The following RNF145 variants were observed in gnomAD, a reference collection of about 807,000 sequenced individuals.
RNF145 encodes the protein ring finger protein 145.
Under a neutral mutation model 57.3 loss-of-function variants are expected in RNF145, and 12 were observed. The ratio of observed to expected loss-of-function variants is 0.21; its 90% CI spans 0.13 to 0.34. The LOEUF (loss-of-function observed/expected upper bound fraction) is 0.34, where lower values mean the gene tolerates loss of function less well. RNF145 is among the 10% of genes least tolerant of loss of function. RNF145 has a pLI of 1.00. For synonymous variants in RNF145, 262 were observed against 288.3 expected, an observed-to-expected ratio of 0.91 and a Z score of 0.92; for missense variants, 429 against 799.0, an observed-to-expected ratio of 0.54 and a Z score of 5.58.
At position 159,169,829 on chromosome 5, in the gene RNF145, A is replaced by C. The variant is rs889444053; in HGVS notation, c.798-10T>G. ...GCAGCATTCCGCAATACTGGAAAAAAAGAGGGGGAAATTAACAGACATAAA... is the reference window on the plus strand; with the variant it reads ...GCAGCATTCCGCAATACTGGAAAAACAGAGGGGGAAATTAACAGACATAAA... On this transcript the variant is annotated splice_polypyrimidine_tract_variant and intron_variant, in intron 6 of 10. Coordinates refer to ENST00000424310, the MANE Select transcript of RNF145 (RefSeq NM_001199383.2). The C allele has an allele frequency of 4.4e-6, 7 of 1,589,706 alleles. No individual in the cohort carries two copies. Among genetic ancestry groups the C allele is most frequent in the Non-Finnish European group, 6.0e-6 (7 of 1,171,868 alleles).
intron 3 of RNF145, among the ~76,000 whole-genome samples, chr5:159,186,770 C>A (rs1562064845): frequency 6.6e-6 from 1 of 151,982 alleles, no homozygotes; most frequent in Non-Finnish European, 1.5e-5. Context: ...TGATAATGTT[C>A]AAAAGCAGAA....
Position 159,164,600 on chromosome 5 carries a change from T to C in RNF145, c.1122-1521A>G, listed in dbSNP as rs535257171. Among the ~76,000 whole-genome samples, 9 of 152,178 alleles carry C rather than the reference T, an allele frequency of 5.9e-5. No homozygotes were observed. The South Asian group carries it at 1.9e-3, about 32-fold the overall frequency. ...ACATAGACACACATATATGTCCTTA[T>C]CTAAATAGTTAAAATTAAATAAAAG... is the stretch of plus-strand genomic sequence containing the variant. On this transcript the variant is annotated intron_variant, in intron 8 of 10. Transcript: ENST00000424310.
upstream of RNF145, chr5:159,209,616 CCTCCCGCGCGCGCCCGCGCTCA>C: frequency 1.8e-6 from 2 of 1,081,410 alleles, no homozygotes; most frequent in Non-Finnish European, 2.3e-6. Context: ...GCGGCGCGCC[CCTCCCGCGCGCGCCCGCGCTCA>C]CTCACAATCG....
chr5:159,189,863 A>G (rs532306566), intron 3 of RNF145, among the ~76,000 whole-genome samples: 5 of 152,352 alleles, frequency 3.3e-5, no homozygotes, highest in Non-Finnish European at 7.3e-5. Context: ...AGGTCAATAA[A>G]AAAAGACAGG....
At chr5:159,169,077 A>C (rs1384992797) in intron 7 of RNF145, 22 bp from the exon 8 acceptor site, 128 of 1,498,050 alleles carry the variant, frequency 8.5e-5, no homozygotes, top group Non-Finnish European at 1.1e-4. Context: ...ATACATTTTC[A>C]GAAAACATAA....
chr5:159,190,282 C>T (rs1785243037), intron 3 of RNF145, among the ~76,000 whole-genome samples: 1 of 152,128 alleles, frequency 6.6e-6, no homozygotes, highest in Non-Finnish European at 1.5e-5. Context: ...AATCCGCCTG[C>T]CTTGGCCTCC....
chr5:159,207,677 T>G (rs753504453), intron 1 of RNF145: 1 of 1,613,004 alleles, frequency 6.2e-7, no homozygotes, highest in Non-Finnish European at 8.5e-7. Context: ...ACGCATTTCT[T>G]ACATAAGCAA....
At chr5:159,198,771 T>C (rs554404531) in intron 2 of RNF145, among the ~76,000 whole-genome samples, 16 of 152,216 alleles carry the variant, frequency 1.1e-4, no homozygotes, top group Middle Eastern at 3.4e-3. Flanking sequence ...TCTGTAATCC[T>C]AGCACTCTTG....
chr5:159,182,237 A>G (rs1784917674), intron 3 of RNF145, among the ~76,000 whole-genome samples, 186 bp from the exon 4 acceptor site: 1 of 152,072 alleles, frequency 6.6e-6, no homozygotes, highest in Non-Finnish European at 1.5e-5. Context: ...GACACAACTT[A>G]TTGAAATGGA....
chr5:159,162,088 CCTTT>C (rs763449414), intron 9 of RNF145, among the ~76,000 whole-genome samples: 1 of 152,132 alleles, frequency 6.6e-6, no homozygotes, highest in Non-Finnish European at 1.5e-5. Flanking sequence ...CAAAGATCTT[CCTTT>C]AAGTTACAAT....
At position 159,159,049 on chromosome 5, in the gene RNF145, A is replaced by G. The variant is rs551690497; in HGVS notation, c.1627-14T>C. 7.3e-5 allele frequency: 116 copies of G among 1,597,230 alleles called. No homozygotes were observed. The highest frequency in any genetic ancestry group is 9.3e-5 in the Non-Finnish European group (109 of 1,170,334). On this transcript the variant is annotated splice_polypyrimidine_tract_variant and intron_variant, in intron 10 of 10. Transcript: ENST00000424310. ...AGATTTCATGTCCTAAAAGAGGGGG[A>G]AAAAAGATACCTTATAAATGTCTGT...
intron 2 of RNF145, among the ~76,000 whole-genome samples, chr5:159,201,225 C>T (rs1410249667): frequency 6.6e-6 from 1 of 152,170 alleles, no homozygotes; most frequent in African/African-American, 2.4e-5. Context: ...CACAGGGTCA[C>T]TTGAGGGACC....
intron 4 of RNF145, among the ~76,000 whole-genome samples, chr5:159,181,627 A>T (rs1486259044): frequency 1.3e-5 from 2 of 152,134 alleles, no homozygotes; most frequent in African/African-American, 4.8e-5. Context: ...CAACAGCAAT[A>T]AGTAAATTTA....
intron 2 of RNF145, 142 bp from the exon 3 acceptor site, chr5:159,194,966 T>G: frequency 1.7e-6 from 1 of 577,250 alleles, no homozygotes; most frequent in East Asian, 3.0e-5. Flanking sequence ...CAAAGTAAGT[T>G]TAGCATAGTG....
chr5:159,163,620 C>G (rs1784301867), intron 8 of RNF145, among the ~76,000 whole-genome samples: 1 of 152,166 alleles, frequency 6.6e-6, no homozygotes, highest in African/African-American at 2.4e-5. Context: ...ATTGTAAGAT[C>G]TACTACCTGG....
At chr5:159,172,885 T>C (rs1784601181) in intron 6 of RNF145, among the ~76,000 whole-genome samples, 1 of 152,206 alleles carries the variant, frequency 6.6e-6, no homozygotes, top group South Asian at 2.1e-4. Context: ...GTTATCTACC[T>C]ATATTTACTT....
In RNF145 at chr5:159,198,157, A is replaced by G. The variant is rs1785522443; in HGVS notation, c.185-3333T>C. ...CTGAGGAGGCTGAGGTGGGAGGATC[A>G]CACGAGCCCAGAAGGTTGATGCTGC... On this transcript the variant is annotated intron_variant, in intron 2 of 10. Transcript: ENST00000424310. Among the ~76,000 whole-genome samples the G allele has an allele frequency of 2.0e-5, 3 of 152,026 alleles. No individual in the cohort carries two copies. The South Asian group carries it at 6.2e-4, about 32-fold the overall frequency.
intron 2 of RNF145, among the ~76,000 whole-genome samples, chr5:159,195,191 A>G (rs1350084022): frequency 6.6e-6 from 1 of 152,062 alleles, no homozygotes; most frequent in East Asian, 1.9e-4. Flanking sequence ...TCTCTTTCCA[A>G]GGCTGCCCCT....
chr5:159,171,766 G>C (rs956061251), intron 6 of RNF145, among the ~76,000 whole-genome samples: 4 of 151,930 alleles, frequency 2.6e-5, no homozygotes, highest in Non-Finnish European at 5.9e-5. Flanking sequence ...TTTTGGCAAA[G>C]AAACATAAAC....
Sources: allele counts gnomAD v4.1 joint callset (sites outside exome capture counted in the v4.1 genomes callset), GRCh38; gene constraint gnomAD v4.1.1; transcripts MANE v1.5; gene names NCBI Gene and HGNC (gene_info 2026-07-23, HGNC 2026-07-21).